CACNA2D3: variants seen among roughly 807,000 people sequenced by gnomAD.
CACNA2D3 encodes the protein calcium voltage-gated channel auxiliary subunit alpha2delta 3.
Under a neutral mutation model 160.6 loss-of-function variants are expected in CACNA2D3, and 60 were observed. That is an observed-to-expected ratio of 0.37 (90% CI 0.30 to 0.46). CACNA2D3 has a LOEUF of 0.46. Ranked by LOEUF, CACNA2D3 falls within the 20% of genes least tolerant of loss-of-function variation. The pLI is 1.00. For missense variants in CACNA2D3, 1,205 were observed against 1,365.0 expected, an observed-to-expected ratio of 0.88 and a Z score of 1.85; for synonymous variants, 558 against 492.9, an observed-to-expected ratio of 1.13 and a Z score of -1.75.
intron 27 of CACNA2D3, among the ~76,000 whole-genome samples, chr3:54,942,827 A>T (rs1036330695): frequency 1.3e-5 from 2 of 152,132 alleles, no homozygotes; most frequent in Non-Finnish European, 2.9e-5. Context: ...GATTGAGACA[A>T]TCCTGGCTAA....
chr3:54,810,748 T>C (rs1703285576), intron 13 of CACNA2D3, among the ~76,000 whole-genome samples: 4 of 152,152 alleles, frequency 2.6e-5, no homozygotes, highest in Admixed American at 2.6e-4. Context: ...TGAAAAAGGG[T>C]CCACTCAAGT....
At chr3:54,351,836 A>G (rs1698570056) in intron 3 of CACNA2D3, among the ~76,000 whole-genome samples, 1 of 152,220 alleles carries the variant, frequency 6.6e-6, no homozygotes, top group Admixed American at 6.5e-5. Flanking sequence ...GCCTTATGCA[A>G]TAAAATGCAG....
rs186908862 is a variant in CACNA2D3 at position 54,948,274 on chromosome 3, G to C, written c.2450-20176G>C. On this transcript the variant is annotated intron_variant, in intron 27 of 37. Transcript: ENST00000474759. ...AGGTCCATTCCAGGTGACCTCTTGAGAGCCCATCCAGATGAGTAATTCTCT... is the reference window on the plus strand; with the variant it reads ...AGGTCCATTCCAGGTGACCTCTTGACAGCCCATCCAGATGAGTAATTCTCT... Among the ~76,000 whole-genome samples the C allele has an allele frequency of 2.0e-3, 297 of 152,278 alleles. 2 individuals are homozygous for C. Among genetic ancestry groups the C allele is most frequent in the Non-Finnish European group, 5.0e-4 (34 of 68,022 alleles).
At chr3:55,007,607 T>G (rs1288557510) in intron 32 of CACNA2D3, among the ~76,000 whole-genome samples, 183 bp from the exon 33 acceptor site, 1 of 152,262 alleles carries the variant, frequency 6.6e-6, no homozygotes, top group African/African-American at 2.4e-5. Flanking sequence ...TTCAAAGTTT[T>G]AAAATGTTTG....
At position 54,331,901 on chromosome 3, in the gene CACNA2D3, C is replaced by T. The variant is rs543102469; in HGVS notation, c.321+11343C>T. Among the ~76,000 whole-genome samples the T allele has an allele frequency of 1.6e-4, 25 of 152,260 alleles. No homozygotes were observed. In the South Asian group the frequency reaches 3.5e-3, roughly 21 times the overall value. ...CCCAGTCTGGTCCCATTCATAGAAT[C>T]GGCAAATGAAAATCAGAGCTATCCC... On this transcript the variant is annotated intron_variant, in intron 3 of 37. Coordinates refer to ENST00000474759, the MANE Select transcript of CACNA2D3 (RefSeq NM_018398.3).
intron 14 of CACNA2D3, among the ~76,000 whole-genome samples, chr3:54,821,697 T>TTTCTTTCATTCCTTCC (rs753240626): frequency 1.2e-5 from 1 of 84,096 alleles, no homozygotes; most frequent in Non-Finnish European, 2.4e-5. Flanking sequence ...TCTTTCTTTC[T>TTTCTTTCATTCCTTCC]TTCCTTCCTT....
intron 11 of CACNA2D3, among the ~76,000 whole-genome samples, chr3:54,698,165 T>G (rs979055248): frequency 2.6e-5 from 4 of 152,198 alleles, no homozygotes; most frequent in African/African-American, 9.7e-5. Context: ...CCCAGGAGAC[T>G]GCCTGTCAGT....
chr3:54,136,464 T>C lies in CACNA2D3; in HGVS notation c.204+12870T>C, dbSNP rs76087439. ...TTTGTCTAAATGTTGGACATCCTTT[T>C]CTTTCTTCCTTCTCTCACTTCTTCC... On this transcript the variant is annotated intron_variant, in intron 2 of 37. Transcript: ENST00000474759. 4.8e-3 allele frequency among the ~76,000 whole-genome samples: 731 copies of C among 152,348 alleles called. 5 individuals are homozygous for C. The highest frequency in any genetic ancestry group is 0.017 in the African/African-American group (711 of 41,582).
intron 6 of CACNA2D3, among the ~76,000 whole-genome samples, chr3:54,564,689 C>G (rs1375611189): frequency 6.6e-6 from 1 of 152,190 alleles, no homozygotes; most frequent in Non-Finnish European, 1.5e-5. Context: ...TTACTGAGTT[C>G]TGGCTTTGTA....
intron 2 of CACNA2D3, among the ~76,000 whole-genome samples, chr3:54,168,786 C>T (rs1700504098): frequency 6.6e-6 from 1 of 152,188 alleles, no homozygotes; most frequent in African/African-American, 2.4e-5. Context: ...CAGCATTCCA[C>T]AGAGTCCAAA....
intron 2 of CACNA2D3, among the ~76,000 whole-genome samples, chr3:54,240,995 C>T (rs1345993073): frequency 6.6e-6 from 1 of 152,174 alleles, no homozygotes; most frequent in Non-Finnish European, 1.5e-5. Flanking sequence ...CTCACCTCAG[C>T]CTCTCAAAAT....
chr3:54,233,414 A>G (rs1341798716), intron 2 of CACNA2D3, among the ~76,000 whole-genome samples: 3 of 152,212 alleles, frequency 2.0e-5, no homozygotes, highest in Non-Finnish European at 4.4e-5. Context: ...GAGGGCACAG[A>G]GCACCAATGA....
intron 4 of CACNA2D3, among the ~76,000 whole-genome samples, chr3:54,453,146 C>G (rs145988060): frequency 1.5e-3 from 229 of 152,134 alleles, no homozygotes; most frequent in African/African-American, 5.3e-3. Flanking sequence ...TATGCACCAC[C>G]ACACCCAGCT....
At position 54,349,244 on chromosome 3, in the gene CACNA2D3, A is replaced by G. The variant is rs1002793406; in HGVS notation, c.321+28686A>G. Among the ~76,000 whole-genome samples, 7 of 152,312 alleles carry G rather than the reference A, an allele frequency of 4.6e-5. No homozygotes were observed. The East Asian group carries it at 1.4e-3, about 29-fold the overall frequency. On this transcript the variant is annotated intron_variant, in intron 3 of 37. Transcript: ENST00000474759. ...AAGAACAGGGACTTAGGAGGGTGGCATGAAGCAGAGCAAGAGGCGCCCACA... is the reference window on the plus strand; with the variant it reads ...AAGAACAGGGACTTAGGAGGGTGGCGTGAAGCAGAGCAAGAGGCGCCCACA...
At chr3:54,210,440 G>T (rs199643132) in intron 2 of CACNA2D3, among the ~76,000 whole-genome samples, 12 of 151,102 alleles carry the variant, frequency 7.9e-5, no homozygotes, top group Admixed American at 2.7e-4. Context: ...GTGTGTGTGT[G>T]TTTGTGTGTG....
chr3:54,977,193 T>C (rs567696876), intron 29 of CACNA2D3, among the ~76,000 whole-genome samples: 1 of 152,316 alleles, frequency 6.6e-6, no homozygotes, highest in South Asian at 2.1e-4. Context: ...GGGTAAAATA[T>C]AGTAAAGAGT....
chr3:55,034,318 G>A, intron 35 of CACNA2D3, among the ~76,000 whole-genome samples: 1 of 151,780 alleles, frequency 6.6e-6, no homozygotes, highest in East Asian at 1.9e-4. Context: ...TCTGTCATAT[G>A]TTTTAAGGTT....
At chr3:54,704,461 T>TTA (rs529145854) in intron 11 of CACNA2D3, among the ~76,000 whole-genome samples, 1,877 of 152,088 alleles carry the variant, frequency 0.012, 36 homozygotes, top group African/African-American at 0.043. Flanking sequence ...CTCTTTTTTT[T>TTA]AATACCTGGC....
chr3:54,845,560 G>A (rs1424964033), intron 16 of CACNA2D3, among the ~76,000 whole-genome samples: 1 of 152,190 alleles, frequency 6.6e-6, no homozygotes, highest in Admixed American at 6.5e-5. Flanking sequence ...TGAATGATTT[G>A]TAGGTAAATT....
Sources: allele counts gnomAD v4.1 joint callset (sites outside exome capture counted in the v4.1 genomes callset), GRCh38; gene constraint gnomAD v4.1.1; transcripts MANE v1.5; gene names NCBI Gene and HGNC (gene_info 2026-07-23, HGNC 2026-07-21).